Variants in SERINC5 observed in about 807,000 individuals in gnomAD.
SERINC5 encodes the protein serine incorporator 5.
A neutral mutation model predicts 63.1 loss-of-function variants in SERINC5; 41 were observed. That is an observed-to-expected ratio of 0.65 (90% CI 0.51 to 0.84). The LOEUF (loss-of-function observed/expected upper bound fraction) is 0.84, where lower values mean the gene tolerates loss of function less well. SERINC5 is among the 40% of genes least tolerant of loss of function. The pLI, the probability that SERINC5 is intolerant of heterozygous loss-of-function variation, is 0.00. For synonymous variants in SERINC5, 222 were observed against 215.2 expected (o/e 1.03, Z -0.28); for missense variants, 523 against 573.0 (o/e 0.91, Z 0.89).
At chr5:80,169,635 G>T (rs1747523690) in intron 5 of SERINC5, 89 bp from the exon 6 acceptor site, 2 of 999,842 alleles carry the variant, frequency 2.0e-6, no homozygotes, top group East Asian at 2.6e-5. Context: ...CCATCCCTCA[G>T]GCAGTAACTA....
chr5:80,201,078 A>G (rs1311159640), intron 2 of SERINC5, among the ~76,000 whole-genome samples: 1 of 152,042 alleles, frequency 6.6e-6, no homozygotes, highest in African/African-American at 2.4e-5. Flanking sequence ...CAGCCTGGGC[A>G]ACAGAGCAAG....
chr5:80,169,356 T>C lies in SERINC5; in HGVS notation c.742A>G (p.Ile248Val), dbSNP rs1014644259. 8 of 1,613,854 alleles carry C rather than the reference T, an allele frequency of 5.0e-6. No homozygotes were observed. The highest frequency in any genetic ancestry group is 1.7e-5 in the Admixed American group (1 of 59,998). ...TTACGATTTTGGACCCAGGGTGAGA[T>C]GGCTACCAATGATATAAGCAGGCAC... ...GLCLLISLVA[I>V]SPWVQNRQPH... Residue 248 changes from isoleucine to valine, a missense_variant, in exon 6 of 12, where the codon ATC becomes GTC. By Grantham distance (29) the Ile-to-Val change is conservative. Transcript: ENST00000507668.
rs1057235260 is a variant in SERINC5 at position 80,255,797 on chromosome 5, C to A, written c.27+99G>T. 17 of 1,320,182 alleles carry A rather than the reference C, an allele frequency of 1.3e-5. No individual in the cohort carries two copies. The Middle Eastern group carries it at 7.6e-4, about 59-fold the overall frequency. 81.8% of individuals were successfully genotyped at this position (1,320,182 alleles called of 1,614,324 possible). On this transcript the variant is annotated intron_variant, in intron 1 of 11. Coordinates refer to ENST00000507668, the MANE Select transcript of SERINC5 (RefSeq NM_001174072.3). ...GACCCACCCGGGCCCTACGTTCGGCCGCGGAGCTGGGAGCGCACCCAGGCA... is the reference window on the plus strand; with the variant it reads ...GACCCACCCGGGCCCTACGTTCGGCAGCGGAGCTGGGAGCGCACCCAGGCA...
At chr5:80,230,661 T>C (rs1378013626) in intron 1 of SERINC5, among the ~76,000 whole-genome samples, 1 of 152,202 alleles carries the variant, frequency 6.6e-6, no homozygotes, top group African/African-American at 2.4e-5. Context: ...CAGGTATTAC[T>C]GTTATTATTA....
At chr5:80,188,193 G>C (rs1394289509) in intron 2 of SERINC5, among the ~76,000 whole-genome samples, 1 of 147,524 alleles carries the variant, frequency 6.8e-6, no homozygotes, top group Non-Finnish European at 1.5e-5. Context: ...TGAGACAGGA[G>C]AATCGCTTGA....
rs1745417460 is a variant in SERINC5 at position 80,140,186 on chromosome 5, G to A, written c.*3477C>T. ...AAATAAAAATCGGCCAGGTGTGATG[G>A]GGCAAACCTGTGGTCTCAGCTACTT... On this transcript the variant is annotated 3_prime_UTR_variant, in exon 12 of 12. Coordinates refer to ENST00000507668, the MANE Select transcript of SERINC5 (RefSeq NM_001174072.3). 6.8e-6 allele frequency: 5 copies of A among 731,294 alleles called. No individual in the cohort carries two copies. Among genetic ancestry groups the A allele is most frequent in the Non-Finnish European group, 8.4e-6 (5 of 598,796 alleles). The allele number at this position is 731,294 out of a possible 1,614,324, so 45.3% of individuals were successfully genotyped here.
At chr5:80,240,095 T>C (rs1409716539) in intron 1 of SERINC5, among the ~76,000 whole-genome samples, 1 of 152,206 alleles carries the variant, frequency 6.6e-6, no homozygotes, top group Non-Finnish European at 1.5e-5. Flanking sequence ...ACGGAACAAT[T>C]AGGCATAATA....
chr5:80,156,543 A>G (rs535199762), intron 8 of SERINC5, among the ~76,000 whole-genome samples: 4 of 152,162 alleles, frequency 2.6e-5, no homozygotes, highest in Non-Finnish European at 5.9e-5. Flanking sequence ...TACGCTACAG[A>G]GCAGAGTGGT....
chr5:80,189,976 T>A (rs2112455434), intron 2 of SERINC5, among the ~76,000 whole-genome samples: 1 of 152,226 alleles, frequency 6.6e-6, no homozygotes, highest in African/African-American at 2.4e-5. Context: ...ATCCCCACAC[T>A]GCTGGGATTA....
At chr5:80,212,665 T>TGGGGGGG (rs752075084) in intron 1 of SERINC5, among the ~76,000 whole-genome samples, 29 of 50,192 alleles carry the variant, frequency 5.8e-4, no homozygotes, top group East Asian at 1.6e-3. Context: ...AGTGGTGGGG[T>TGGGGGGG]GGGGGGGGGG....
rs1438225159 is a variant in SERINC5, at chr5:80,169,404, G to C, written c.694C>G (p.Leu232Val). ...CACAGGCCTCCATTTACTCCCAGCAGAATTTTGTTTTCCATGCAGCTGTCT... is the reference window on the plus strand; with the variant it reads ...CACAGGCCTCCATTTACTCCCAGCACAATTTTGTTTTCCATGCAGCTGTCT... ...QKDSCMENKI[L>V]LGVNGGLCLL... The change falls in exon 6 of 12, where the codon CTG (leucine) becomes GTG (valine). Residue 232 changes from leucine to valine, a missense_variant. Transcript: ENST00000507668. 1.9e-6 allele frequency: 3 copies of C among 1,613,996 alleles called. No individual in the cohort carries two copies. In the South Asian group the frequency reaches 3.3e-5, roughly 18 times the overall value.
downstream of SERINC5, among the ~76,000 whole-genome samples, chr5:80,134,192 A>C (rs995713798): frequency 6.6e-6 from 1 of 152,164 alleles, no homozygotes; most frequent in Non-Finnish European, 1.5e-5. Context: ...TTTGTTTCAA[A>C]GTTAAACTAT....
At chr5:80,204,960 T>C (rs1750078050) in intron 1 of SERINC5, among the ~76,000 whole-genome samples, 1 of 152,204 alleles carries the variant, frequency 6.6e-6, no homozygotes, top group African/African-American at 2.4e-5. Context: ...AGGGAAAAGT[T>C]TCCTCTCCTT....
At chr5:80,146,271 A>C in intron 10 of SERINC5, 37 bp from the exon 11 acceptor site, 1 of 1,611,764 alleles carries the variant, frequency 6.2e-7, no homozygotes, top group Non-Finnish European at 8.5e-7. Flanking sequence ...TCAATGAGTG[A>C]ATGTGTGTGT....
In SERINC5 at chr5:80,183,705, C is replaced by T. The variant is rs181159922; in HGVS notation, c.196-5641G>A. ...CCCACTGAGCACCTTGTGACCCCCGCCCCTGCCCACCAGAGAACAACCCCC... is the reference window on the plus strand; with the variant it reads ...CCCACTGAGCACCTTGTGACCCCCGTCCCTGCCCACCAGAGAACAACCCCC... On this transcript the variant is annotated intron_variant, in intron 2 of 11. Transcript: ENST00000507668. 8.7e-3 allele frequency among the ~76,000 whole-genome samples: 1,317 copies of T among 152,212 alleles called. 20 individuals carry two copies. Among genetic ancestry groups the T allele is most frequent in the African/African-American group, 0.025 (1,034 of 41,498 alleles).
At chr5:80,230,109 G>A (rs1434171685) in intron 1 of SERINC5, among the ~76,000 whole-genome samples, 2 of 152,054 alleles carry the variant, frequency 1.3e-5, no homozygotes, top group Non-Finnish European at 2.9e-5. Flanking sequence ...CCTCTTGGAG[G>A]CTCAGCCTGC....
downstream of SERINC5, among the ~76,000 whole-genome samples, chr5:80,134,214 G>A (rs1004118067): frequency 6.6e-5 from 10 of 152,302 alleles, no homozygotes; most frequent in African/African-American, 2.4e-4. Flanking sequence ...GGCCGGGCGT[G>A]GTGGCTCACA....
intron 1 of SERINC5, among the ~76,000 whole-genome samples, chr5:80,205,989 A>AAC (rs1321426246): frequency 6.6e-6 from 1 of 151,524 alleles, no homozygotes; most frequent in Admixed American, 6.6e-5. Context: ...AAAAAAAAAA[A>AAC]AAAAAACCTC....
chr5:80,183,777 C>G (rs1748613216), intron 2 of SERINC5, among the ~76,000 whole-genome samples: 1 of 152,114 alleles, frequency 6.6e-6, no homozygotes, highest in Non-Finnish European at 1.5e-5. Flanking sequence ...TAAAACGGCC[C>G]CACCCCTATC....
Sources: allele counts gnomAD v4.1 joint callset (sites outside exome capture counted in the v4.1 genomes callset), GRCh38; gene constraint gnomAD v4.1.1; transcripts MANE v1.5; gene names NCBI Gene and HGNC (gene_info 2026-07-23, HGNC 2026-07-21).